The following ADGRG2 variants were observed in gnomAD, a reference collection of about 807,000 sequenced individuals.
The protein encoded by ADGRG2 is adhesion G protein-coupled receptor G2.
Under a neutral mutation model 74.1 loss-of-function variants are expected in ADGRG2, and 26 were observed. The observed-to-expected ratio is 0.35, with a 90% CI of 0.26 to 0.49. The LOEUF is 0.49. ADGRG2 is among the 20% of genes least tolerant of loss of function. The probability of loss-of-function intolerance (pLI) is 0.99; values close to 1 mark genes in which losing one functional copy is unlikely to be tolerated. For missense variants in ADGRG2, 619 were observed against 763.1 expected (o/e 0.81, Z 2.22); for synonymous variants, 296 against 295.2 (o/e 1.00, Z -0.03).
intron 15 of ADGRG2, among the ~76,000 whole-genome samples, chrX:19,014,642 AT>A (rs898849790): frequency 1.1e-4 from 12 of 109,437 alleles, no homozygotes; most frequent in African/African-American, 3.7e-4. Flanking sequence ...TACCCAGAAC[AT>A]TTTTTTTTGA....
At chrX:19,068,017 G>A (rs1278352763) in intron 3 of ADGRG2, among the ~76,000 whole-genome samples, 1 of 112,421 alleles carries the variant, frequency 8.9e-6, no homozygotes, top group East Asian at 2.8e-4. Context: ...CTTGTGCCTT[G>A]CTTGTAGAAA....
chrX:19,093,559 G>A (rs1217251545), intron 1 of ADGRG2, among the ~76,000 whole-genome samples: 3 of 111,529 alleles, frequency 2.7e-5, no homozygotes, highest in Non-Finnish European at 3.8e-5. Flanking sequence ...GGGAGATGGC[G>A]GGCAGGGAGC....
chrX:19,013,437 C>A (rs761912230), intron 16 of ADGRG2, among the ~76,000 whole-genome samples: 1 of 111,738 alleles, frequency 8.9e-6, no homozygotes, highest in South Asian at 3.8e-4. Context: ...GATACCGATA[C>A]CTGGGAGCTA....
At chrX:19,022,729 C>G (rs776254570) in intron 13 of ADGRG2, among the ~76,000 whole-genome samples, 3 of 112,058 alleles carry the variant, frequency 2.7e-5, no homozygotes, top group Non-Finnish European at 5.6e-5. Flanking sequence ...CAAAGTCTCA[C>G]TCTGTCACCC....
Position 19,106,313 on chromosome X carries a change from G to A in ADGRG2, c.-47+16129C>T, listed in dbSNP as rs1365848637. On this transcript the variant is annotated intron_variant, in intron 1 of 28. Coordinates refer to ENST00000379869, the MANE Select transcript of ADGRG2 (RefSeq NM_001079858.3). ...GCCCCCACAGAGAAATGTGCAGCTC[G>A]TGGCTGGAAGGTGACTGGTGTGTAC... 3.6e-5 allele frequency among the ~76,000 whole-genome samples: 4 copies of A among 110,968 alleles called. No homozygotes were observed. The East Asian group carries it at 1.1e-3, about 31-fold the overall frequency.
chrX:19,108,194 C>T (rs1315085698), intron 1 of ADGRG2, among the ~76,000 whole-genome samples: 6 of 106,944 alleles, frequency 5.6e-5, no homozygotes, highest in South Asian at 3.9e-4. Context: ...AAGCCAGGTG[C>T]GGTGGCTCAT....
At position 19,046,606 on chromosome X, in the gene ADGRG2, AAG is replaced by A. The variant is rs2061193535; in HGVS notation, c.119-6384_119-6383del. On this transcript the variant is annotated intron_variant, in intron 3 of 28. Coordinates refer to ENST00000379869, the MANE Select transcript of ADGRG2 (RefSeq NM_001079858.3). Reference sequence around the variant, plus strand: ...GTTGGGAACCCATGACAGGTAGTTCAAGAGCAGGAATGTAACACAGGGAAATG... The same window carrying A: ...GTTGGGAACCCATGACAGGTAGTTCAAGCAGGAATGTAACACAGGGAAATG... 2.7e-5 allele frequency among the ~76,000 whole-genome samples: 3 copies of A among 112,655 alleles called. No homozygotes were observed. The Admixed American group carries it at 2.8e-4, about 11-fold the overall frequency.
Position 19,004,882 on chromosome X carries a change from G to A in ADGRG2, c.1840-3C>T. On this transcript the variant is annotated splice_region_variant and splice_polypyrimidine_tract_variant and intron_variant, in intron 22 of 28. Coordinates refer to ENST00000379869, the MANE Select transcript of ADGRG2 (RefSeq NM_001079858.3). Reference sequence around the variant, plus strand: ...AGCACAGATGTCCTAGATAGGTCCTGGAAAATGAAATATTGCTTTTAATAA... The same window carrying A: ...AGCACAGATGTCCTAGATAGGTCCTAGAAAATGAAATATTGCTTTTAATAA... 1.7e-6 allele frequency: 2 copies of A among 1,162,900 alleles called. No individual in the cohort carries two copies. Among genetic ancestry groups the A allele is most frequent in the East Asian group, 3.0e-5 (1 of 33,393 alleles).
chrX:19,006,205 A>T lies in ADGRG2; in HGVS notation c.1735+15T>A. ...ACCCACTCAAGAGTTTGAAAAGGTT[A>T]TGACTGGAACTTACCATTTCTGCCC... On this transcript the variant is annotated intron_variant, in intron 21 of 28. Coordinates refer to ENST00000379869, the MANE Select transcript of ADGRG2 (RefSeq NM_001079858.3). 1 of 1,168,776 alleles carries T rather than the reference A, an allele frequency of 8.6e-7. No individual in the cohort carries two copies. The highest frequency in any genetic ancestry group is 1.8e-5 in the African/African-American group (1 of 56,933).
intron 3 of ADGRG2, among the ~76,000 whole-genome samples, chrX:19,045,307 TTA>T (rs1204064346): frequency 2.7e-3 from 280 of 103,692 alleles, no homozygotes; most frequent in African/African-American, 9.6e-3. Flanking sequence ...ATTATTATTA[TTA>T]TTATTATTAT....
At chrX:19,110,643 G>A (rs1193578301) in intron 1 of ADGRG2, among the ~76,000 whole-genome samples, 3 of 104,938 alleles carry the variant, frequency 2.9e-5, no homozygotes, top group East Asian at 3.0e-4. Context: ...CCAAGATTGC[G>A]CCACTGCACT....
chrX:19,008,148 A>C, intron 18 of ADGRG2, 25 bp from the exon 19 acceptor site: 1 of 1,132,298 alleles, frequency 8.8e-7, no homozygotes, highest in Non-Finnish European at 1.2e-6. Context: ...GAAGATAAGA[A>C]TAAATGTCTG....
chrX:19,010,968 A>G lies in ADGRG2; in HGVS notation c.1100-190T>C, dbSNP rs777134730. On this transcript the variant is annotated intron_variant, in intron 16 of 28. Coordinates refer to ENST00000379869, the MANE Select transcript of ADGRG2 (RefSeq NM_001079858.3). ...GCCTTTTTCATAATAGTCCCAAACT[A>G]GAAACAACCCGAATGTCCATGAACT... 1.2e-4 allele frequency among the ~76,000 whole-genome samples: 14 copies of G among 112,375 alleles called. No homozygotes were observed. The South Asian group carries it at 4.8e-3, about 39-fold the overall frequency.
At chrX:19,056,148 T>C (rs749137045) in intron 3 of ADGRG2, among the ~76,000 whole-genome samples, 2 of 111,358 alleles carry the variant, frequency 1.8e-5, no homozygotes, top group Admixed American at 1.9e-4. Flanking sequence ...GGTTGGGAAA[T>C]GTAGCCTAGC....
intron 2 of ADGRG2, among the ~76,000 whole-genome samples, chrX:19,069,746 A>G (rs940477167): frequency 4.5e-5 from 5 of 110,773 alleles, no homozygotes; most frequent in African/African-American, 1.3e-4. Context: ...GGGGAAGACC[A>G]CCTTCCCACT....
intron 2 of ADGRG2, among the ~76,000 whole-genome samples, chrX:19,074,782 G>T (rs749532683): frequency 9.3e-6 from 1 of 107,304 alleles, no homozygotes; most frequent in South Asian, 4.2e-4. Flanking sequence ...TGTTGGCCAG[G>T]CTAGTCTCGA....
At chrX:19,065,091 G>A (rs2061544345) in intron 3 of ADGRG2, among the ~76,000 whole-genome samples, 1 of 107,636 alleles carries the variant, frequency 9.3e-6, no homozygotes, top group Non-Finnish European at 1.9e-5. Context: ...GCAATATAGC[G>A]AGACCCCATC....
intron 1 of ADGRG2, among the ~76,000 whole-genome samples, chrX:19,103,314 T>G (rs1187050801): frequency 1.8e-5 from 2 of 111,701 alleles, no homozygotes; most frequent in East Asian, 5.6e-4. Flanking sequence ...CCCTTTACAG[T>G]GTAAAAAGGG....
intron 9 of ADGRG2, among the ~76,000 whole-genome samples, chrX:19,028,492 T>A (rs866807844): frequency 9.0e-6 from 1 of 111,723 alleles, no homozygotes; most frequent in Non-Finnish European, 1.9e-5. Flanking sequence ...ACTTTGACTC[T>A]ATCTGGAAAC....
Sources: gnomAD v4.1 joint callset for allele counts (sites outside exome capture counted in the v4.1 genomes callset) on GRCh38, gnomAD v4.1.1 for gene constraint, MANE v1.5 for transcripts, NCBI Gene and HGNC (gene_info 2026-07-23, HGNC 2026-07-21) for gene names.